The following MRPS28 variants were observed in gnomAD, a reference collection of about 807,000 sequenced individuals.
MRPS28 encodes mitochondrial ribosomal protein S28, also known as small ribosomal subunit protein bS1m.
A neutral mutation model predicts 10.8 loss-of-function variants in MRPS28; 7 were observed. The ratio of observed to expected loss-of-function variants is 0.65; its 90% confidence interval spans 0.37 to 1.22. The LOEUF is 1.22. Ranked by LOEUF, MRPS28 falls within the 50% of genes most tolerant of loss-of-function variation. MRPS28 has a pLI of 0.02. For synonymous variants in MRPS28, 121 were observed against 93.3 expected, an observed-to-expected ratio of 1.30 and a Z score of -1.71; for missense variants, 265 against 232.9, an observed-to-expected ratio of 1.14 and a Z score of -0.90.
chr8:79,940,394 G>C (rs1806735062), intron 2 of MRPS28, among the ~76,000 whole-genome samples: 1 of 152,154 alleles, frequency 6.6e-6, no homozygotes, highest in African/African-American at 2.4e-5. Flanking sequence ...CTCCTTTACT[G>C]TTCCAGGAAA....
At chr8:79,938,465 A>G (rs1806668553) in intron 2 of MRPS28, among the ~76,000 whole-genome samples, 1 of 151,980 alleles carries the variant, frequency 6.6e-6, no homozygotes, top group Non-Finnish European at 1.5e-5. Context: ...GAATCAAGAA[A>G]AGTAGAAAAA....
chr8:79,962,116 T>G (rs1332457203), intron 2 of MRPS28, among the ~76,000 whole-genome samples: 3 of 152,130 alleles, frequency 2.0e-5, no homozygotes, highest in African/African-American at 7.2e-5. Flanking sequence ...TGTGCCATCT[T>G]TTCAAAACTG....
rs1554575890 is a variant in MRPS28 at position 80,028,648 on chromosome 8, G to GCGGGGGGGTGGGGGGGGC, written c.213+1387_213+1388insGCCCCCCCCACCCCCCCG. ...CAGGGATCTCAAAAGCAGAAGACGG[G>GCGGGGGGGTGGGGGGGGC]CGGGGGGGGCGGGGCCGGGCGGGGT... On this transcript the variant is annotated intron_variant, in intron 1 of 2. Coordinates refer to ENST00000276585, the MANE Select transcript of MRPS28 (RefSeq NM_014018.3). The GCGGGGGGGTGGGGGGGGC allele has an allele frequency of 3.1e-5, 3 of 98,120 alleles. 1 individual carries two copies. The highest frequency in any genetic ancestry group is 1.4e-4 in the African/African-American group (3 of 22,094). The allele number at this position is 98,120 out of a possible 1,614,324, so 6.1% of individuals were successfully genotyped here.
intron 1 of MRPS28, among the ~76,000 whole-genome samples, chr8:80,027,480 C>A (rs904013985): frequency 6.6e-6 from 1 of 152,138 alleles, no homozygotes; most frequent in Admixed American, 6.5e-5. Context: ...TAGAGAGATG[C>A]ACCATTGTAT....
At chr8:80,028,265 T>C (rs1032326524) in intron 1 of MRPS28, among the ~76,000 whole-genome samples, 2 of 152,128 alleles carry the variant, frequency 1.3e-5, no homozygotes, top group Admixed American at 6.5e-5. Flanking sequence ...GTGAGAAATA[T>C]TAGGTAAGAA....
chr8:79,994,246 T>G (rs1231724361), intron 2 of MRPS28, among the ~76,000 whole-genome samples: 2 of 152,204 alleles, frequency 1.3e-5, no homozygotes, highest in African/African-American at 4.8e-5. Context: ...CAGCATAGTT[T>G]AACCACAGGG....
intron 2 of MRPS28, among the ~76,000 whole-genome samples, chr8:79,969,777 A>C (rs750559039): frequency 6.6e-6 from 1 of 152,184 alleles, no homozygotes. Flanking sequence ...CGGTTATGTA[A>C]GGTAAGAAGT....
chr8:79,967,083 G>A (rs567911821), intron 2 of MRPS28, among the ~76,000 whole-genome samples: 9 of 152,248 alleles, frequency 5.9e-5, no homozygotes, highest in Admixed American at 3.3e-4. Flanking sequence ...GGCCTAGTAT[G>A]GCTAACAACA....
chr8:80,001,580 C>T (rs900269733), intron 2 of MRPS28, among the ~76,000 whole-genome samples: 5 of 152,180 alleles, frequency 3.3e-5, no homozygotes, highest in Non-Finnish European at 5.9e-5. Context: ...CTTCAGTAGC[C>T]GTTTACATAA....
At chr8:80,011,072 G>A (rs1360983201) in intron 1 of MRPS28, among the ~76,000 whole-genome samples, 2 of 151,928 alleles carry the variant, frequency 1.3e-5, no homozygotes, top group African/African-American at 2.4e-5. Flanking sequence ...CAGCTGACTT[G>A]CCCTTTAGAG....
At chr8:80,019,713 GATGACCT>G (rs907658154) in intron 1 of MRPS28, among the ~76,000 whole-genome samples, 11 of 152,220 alleles carry the variant, frequency 7.2e-5, no homozygotes, top group South Asian at 4.1e-4. Flanking sequence ...TGGATGGCAT[GATGACCT>G]ATGTAGAAAA....
At chr8:79,988,495 A>G (rs1462684574) in intron 2 of MRPS28, among the ~76,000 whole-genome samples, 1 of 151,522 alleles carries the variant, frequency 6.6e-6, no homozygotes, top group Non-Finnish European at 1.5e-5. Flanking sequence ...ATATTTATGG[A>G]AAAATATTTT....
At chr8:79,999,088 T>C (rs115227303) in intron 2 of MRPS28, among the ~76,000 whole-genome samples, 197 of 152,332 alleles carry the variant, frequency 1.3e-3, no homozygotes, top group Non-Finnish European at 4.0e-4. Context: ...TGATGAATGA[T>C]GAACAGATTA....
At chr8:79,974,541 AAAAACAAAAC>A (rs530383852) in intron 2 of MRPS28, among the ~76,000 whole-genome samples, 2 of 151,860 alleles carry the variant, frequency 1.3e-5, no homozygotes, top group African/African-American at 4.8e-5. Flanking sequence ...ACTCTGTCTC[AAAAACAAAAC>A]AAAACAAAAC....
intron 2 of MRPS28, among the ~76,000 whole-genome samples, chr8:79,930,605 C>A (rs935512576): frequency 1.3e-5 from 2 of 152,174 alleles, no homozygotes; most frequent in Non-Finnish European, 2.9e-5. Context: ...TATTTTAAAT[C>A]TTGAGGAGCA....
intron 2 of MRPS28, among the ~76,000 whole-genome samples, chr8:79,991,290 C>T (rs1221226489): frequency 6.6e-6 from 1 of 150,414 alleles, no homozygotes; most frequent in Admixed American, 6.6e-5. Context: ...GAAATAACTA[C>T]TTAAGAAAAT....
At chr8:79,950,541 CACAA>C (rs1418398600) in intron 2 of MRPS28, among the ~76,000 whole-genome samples, 1 of 152,124 alleles carries the variant, frequency 6.6e-6, no homozygotes, top group Non-Finnish European at 1.5e-5. Flanking sequence ...TAAACTGTAA[CACAA>C]ACACACACAT....
intron 2 of MRPS28, among the ~76,000 whole-genome samples, chr8:79,965,789 T>A (rs1807489397): frequency 6.6e-6 from 1 of 152,024 alleles, no homozygotes; most frequent in Admixed American, 6.6e-5. Context: ...AAGAAAAAAA[T>A]GTCCATTGTT....
At chr8:79,951,989 G>C (rs559512052) in intron 2 of MRPS28, among the ~76,000 whole-genome samples, 1 of 152,288 alleles carries the variant, frequency 6.6e-6, no homozygotes, top group Admixed American at 6.5e-5. Context: ...TTAAGGTAGA[G>C]TTTTCTGTCA....
Sources: allele counts gnomAD v4.1 joint callset (sites outside exome capture counted in the v4.1 genomes callset), GRCh38; gene constraint gnomAD v4.1.1; transcripts MANE v1.5; gene names NCBI Gene and HGNC (gene_info 2026-07-23, HGNC 2026-07-21).